Variants in TPM4 observed in about 807,000 individuals in gnomAD.
The protein encoded by TPM4 is tropomyosin alpha-4 chain.
A neutral mutation model predicts 35.8 loss-of-function variants in TPM4; 17 were observed. That is an observed-to-expected ratio of 0.47 (90% CI 0.32 to 0.71). The LOEUF (loss-of-function observed/expected upper bound fraction) is 0.71, where lower values mean the gene tolerates loss of function less well. Among genes scored for constraint, TPM4 ranks in the 30% least tolerant of loss-of-function variants. The pLI, the probability that TPM4 is intolerant of heterozygous loss-of-function variation, is 0.03. For synonymous variants in TPM4, 120 were observed against 122.9 expected, an observed-to-expected ratio of 0.98 and a Z score of 0.15; for missense variants, 240 against 320.9, an observed-to-expected ratio of 0.75 and a Z score of 1.93.
chr19:16,076,488 C>T, upstream of TPM4: 2 of 1,331,934 alleles, frequency 1.5e-6, no homozygotes, highest in Non-Finnish European at 1.9e-6. Flanking sequence ...GGGGCCGGGG[C>T]GCGGCTGTGC....
chr19:16,097,188 A>G (rs1369902928), intron 7 of TPM4, among the ~76,000 whole-genome samples: 1 of 151,908 alleles, frequency 6.6e-6, no homozygotes, highest in Non-Finnish European at 1.5e-5. Flanking sequence ...TCCTGGCCTC[A>G]ACTGATCCGC....
intron 4 of TPM4, chr19:16,088,395 A>G: frequency 8.0e-7 from 1 of 1,245,140 alleles, no homozygotes; most frequent in Non-Finnish European, 1.0e-6. Context: ...AGGATATCTC[A>G]GGGGGCTGTG....
intron 2 of TPM4, among the ~76,000 whole-genome samples, chr19:16,069,362 TG>T (rs2090329320): frequency 6.6e-6 from 1 of 152,190 alleles, no homozygotes; most frequent in African/African-American, 2.4e-5. Flanking sequence ...TTGGTGTGTA[TG>T]TGTGTGGATG....
At position 16,070,112 on chromosome 19, in the gene TPM4, G is replaced by A. The variant is rs116295520; in HGVS notation, c.114+2374G>A. On this transcript the variant is annotated intron_variant, in intron 2 of 2. Transcript: ENST00000589897. The surrounding 1 kb of genome is among the most constrained non-coding windows in gnomAD (Gnocchi z 7.4). ...AGTCTGAGAATCTCATTGTGTATGT[G>A]GGGGTGTCCCTGCTAAAAGCCTGGA... is the stretch of plus-strand genomic sequence containing the variant. Among the ~76,000 whole-genome samples, 805 of 151,884 alleles carry A rather than the reference G, an allele frequency of 5.3e-3. 11 individuals carry two copies. Among genetic ancestry groups the A allele is most frequent in the African/African-American group, 0.018 (767 of 41,510 alleles).
At chr19:16,088,467 CT>C (rs10707908) in intron 4 of TPM4, 444,789 of 1,080,028 alleles carry the variant, frequency 0.41, 96,018 homozygotes, top group East Asian at 0.79. Flanking sequence ...TATGTAAATG[CT>C]TTTGCTCCTG....
At chr19:16,093,799 C>G in intron 7 of TPM4, 46 bp downstream of exon 7, 1 of 1,602,422 alleles carries the variant, frequency 6.2e-7, no homozygotes, top group Non-Finnish European at 8.5e-7. Flanking sequence ...GCCTTCCCCT[C>G]TGGGACACAT....
intron 2 of TPM4, among the ~76,000 whole-genome samples, chr19:16,085,833 T>C (rs1047229666): frequency 6.6e-6 from 1 of 151,228 alleles, no homozygotes; most frequent in Non-Finnish European, 1.5e-5. Context: ...CTCTGGGAGG[T>C]CAAGGCGGGC....
chr19:16,096,161 C>T (rs1382642878), intron 7 of TPM4, among the ~76,000 whole-genome samples: 2 of 152,120 alleles, frequency 1.3e-5, no homozygotes, highest in Non-Finnish European at 2.9e-5. Context: ...AAACTCCTGA[C>T]CTTGTGATCC....
intron 4 of TPM4, chr19:16,088,691 T>G: frequency 2.8e-6 from 3 of 1,061,340 alleles, no homozygotes; most frequent in Non-Finnish European, 3.4e-6. Context: ...CCCATTGCTC[T>G]CTGCCCGCCT....
At chr19:16,077,939 T>A (rs932070142) in intron 1 of TPM4, 2 of 354,670 alleles carry the variant, frequency 5.6e-6, no homozygotes, top group African/African-American at 2.1e-5. Context: ...TTTTTTTTTT[T>A]TTATTTTGGA....
chr19:16,090,758 C>G (rs2090616998), intron 5 of TPM4, among the ~76,000 whole-genome samples: 1 of 150,976 alleles, frequency 6.6e-6, no homozygotes, highest in African/African-American at 2.4e-5. Context: ...ACCATGTCAT[C>G]TTGTTCAGAG....
At chr19:16,082,485 T>C (rs2090495368) in intron 2 of TPM4, among the ~76,000 whole-genome samples, 2 of 152,228 alleles carry the variant, frequency 1.3e-5, no homozygotes, top group African/African-American at 2.4e-5. Flanking sequence ...CACTCCAGCC[T>C]GGGCAACAAG....
intron 1 of TPM4, 28 bp downstream of exon 1, chr19:16,076,725 C>T (rs1427432959): frequency 3.1e-6 from 4 of 1,301,180 alleles, no homozygotes; most frequent in Non-Finnish European, 3.9e-6. Context: ...GGGCCCCGCA[C>T]CCGCAGCCTC....
chr19:16,076,429 C>G (rs1283296206), upstream of TPM4: 2 of 1,345,122 alleles, frequency 1.5e-6, no homozygotes, highest in Admixed American at 8.2e-5. Flanking sequence ...GCAGCCGGCC[C>G]GGGGGGCGGG....
chr19:16,076,097 C>T, upstream of TPM4: 2 of 1,602,378 alleles, frequency 1.2e-6, no homozygotes, highest in South Asian at 1.1e-5. Context: ...GGACAGAGGA[C>T]GAGCTGGATA....
rs1244769324 is a variant in TPM4 at position 16,068,762 on chromosome 19, TGTGA to T, written c.114+1028_114+1031del. On this transcript the variant is annotated intron_variant, in intron 2 of 2. Transcript: ENST00000589897. ...GTGTGTGAGAGCAGTTCTGTGTGTGTGTGAGTGTATCTGTGTGTGTTTGAGCCTT... is the reference window on the plus strand; with the variant it reads ...GTGTGTGAGAGCAGTTCTGTGTGTGTGTGTATCTGTGTGTGTTTGAGCCTT... 3.3e-5 allele frequency among the ~76,000 whole-genome samples: 5 copies of T among 152,294 alleles called. No homozygotes were observed. The East Asian group carries it at 5.8e-4, about 18-fold the overall frequency.
In TPM4 at chr19:16,070,761, G is replaced by T. The variant is rs752920736; in HGVS notation, c.114+3023G>T. On this transcript the variant is annotated intron_variant, in intron 2 of 2. Transcript: ENST00000589897. This position sits in a 1 kb window ranked among gnomAD's most constrained non-coding sequence, Gnocchi z 7.4. ...CCTTTGGGCCTCCCCAGCCCCCCGT[G>T]CCCCAGGGCTGCCCTAAGAGTATGT... Among the ~76,000 whole-genome samples the T allele has an allele frequency of 3.7e-4, 56 of 150,054 alleles. No homozygotes were observed. Among genetic ancestry groups the T allele is most frequent in the Non-Finnish European group, 7.5e-4 (51 of 67,582 alleles).
chr19:16,093,588 A>G lies in TPM4; in HGVS notation c.584A>G (p.Lys195Arg), dbSNP rs1391933603. 20 of 1,614,052 alleles carry G rather than the reference A, an allele frequency of 1.2e-5. 1 individual carries two copies. Among genetic ancestry groups the G allele is most frequent in the Non-Finnish European group, 1.7e-5 (20 of 1,180,030 alleles). The change falls in exon 6 of 8, where the codon AAA becomes AGA. Residue 195 changes from lysine to arginine, a missense_variant. Coordinates refer to ENST00000643579, the MANE Select transcript of TPM4 (RefSeq NM_003290.3). Reference protein sequence around the residue: ...YEEEIKLLSDKLKEAETRAEF... With the variant: ...YEEEIKLLSDRLKEAETRAEF... ...GAAGAAATTAAACTTCTGTCTGACA[A>G]ACTGAAAGAGGTGAGTGTGGTGGCA...
intron 7 of TPM4, among the ~76,000 whole-genome samples, chr19:16,094,941 AG>A (rs1223147459): frequency 1.3e-5 from 2 of 152,256 alleles, no homozygotes; most frequent in African/African-American, 2.4e-5. Flanking sequence ...ACCTTTGGAC[AG>A]GGTGACGTCA....
Sources: allele counts gnomAD v4.1 joint callset (sites outside exome capture counted in the v4.1 genomes callset), GRCh38; gene constraint gnomAD v4.1.1; non-coding constraint Gnocchi (gnomAD v3.1); transcripts MANE v1.5; gene names NCBI Gene and HGNC (gene_info 2026-07-23, HGNC 2026-07-21).